Variants in ZNF732 observed in about 807,000 individuals in gnomAD.
The protein encoded by ZNF732 is zinc finger protein 732.
In ZNF732, 12 loss-of-function variants were observed where a neutral mutation model predicts 11.5. That is an observed-to-expected ratio of 1.05 (90% CI 0.67 to 1.70). The LOEUF (loss-of-function observed/expected upper bound fraction) is 1.70. ZNF732 is among the 40% of genes most tolerant of loss of function. The probability of loss-of-function intolerance (pLI) is 0.00; values close to 1 mark genes in which losing one functional copy is unlikely to be tolerated. For synonymous variants in ZNF732, 231 were observed against 236.5 expected (o/e 0.98, Z 0.21); for missense variants, 702 against 676.9 (o/e 1.04, Z -0.41).
chr4:305,103 G>C (rs1553844230), intron 1 of ZNF732, among the ~76,000 whole-genome samples: 1 of 152,202 alleles, frequency 6.6e-6, no homozygotes, highest in African/African-American at 2.4e-5. Flanking sequence ...CGGGCGCAGA[G>C]CTGCACAAGT....
In ZNF732 at chr4:271,864, C is replaced by G. The variant is rs368207740; in HGVS notation, c.993G>C (p.Glu331Asp). Residue 331 changes from glutamate to aspartate, a missense_variant, in exon 4 of 4, where the codon GAG becomes GAC. By Grantham distance (45) the Glu-to-Asp change is conservative. Coordinates refer to ENST00000419098, the MANE Select transcript of ZNF732 (RefSeq NM_001137608.3). The stretch of plus-strand genomic sequence containing the variant: ...CACATTCTTCACATGTGTAGGGTTT[C>G]TCTCCAGTATGAATTCTGTTATGTT... ...LTKHNRIHTG[E>D]KPYTCEECGK... 1.2e-6 allele frequency: 2 copies of G among 1,613,744 alleles called. No individual in the cohort carries two copies.
chr4:292,119 A>G (rs1381571010), intron 3 of ZNF732, among the ~76,000 whole-genome samples: 1 of 152,200 alleles, frequency 6.6e-6, no homozygotes, highest in Admixed American at 6.5e-5. Flanking sequence ...CGAAGAACAT[A>G]TATGGAAAAG....
rs782326434 is a variant in ZNF732 at position 272,271 on chromosome 4, T to A, written c.586A>T (p.Thr196Ser). The A allele has an allele frequency of 1.2e-6, 2 of 1,613,280 alleles. No homozygotes were observed. The highest frequency in any genetic ancestry group is 1.7e-6 in the Non-Finnish European group (2 of 1,179,576). Residue 196 changes from threonine to serine, a missense_variant, in exon 4 of 4, where the codon ACA (threonine) becomes TCA (serine). Physicochemically the swap from Thr to Ser is moderately conservative, Grantham distance 58. Transcript: ENST00000419098. ...AAGTCTTTGCCACATTCTTCACATG[T>A]GTAGGGTTTCTCTCCAGCATGAATT... ...QGIHAGEKPY[T>S]CEECGKDFKW...
intron 2 of ZNF732, 145 bp from the exon 3 acceptor site, chr4:295,678 T>C: frequency 2.6e-6 from 2 of 766,116 alleles, no homozygotes; most frequent in Non-Finnish European, 4.0e-6. Flanking sequence ...TTAAAATATT[T>C]AAGTATTTTA....
intron 3 of ZNF732, among the ~76,000 whole-genome samples, chr4:275,837 C>T (rs1301128725): frequency 2.0e-5 from 3 of 151,574 alleles, no homozygotes; most frequent in African/African-American, 7.3e-5. Context: ...AATCAACTTA[C>T]ACGAGATATC....
At chr4:301,183 A>C (rs1720110111) in intron 1 of ZNF732, among the ~76,000 whole-genome samples, 1 of 152,170 alleles carries the variant, frequency 6.6e-6, no homozygotes, top group Non-Finnish European at 1.5e-5. Flanking sequence ...ATCTCACACC[A>C]GTTAGAATGG....
Position 296,049 on chromosome 4 carries a change from T to C in ZNF732, c.110A>G (p.Tyr37Cys). ...NLYRDVMLEN[Y>C]RNLISLGVAI... is the part of the protein sequence containing the mutation. ...CTCACCCAGGGAGATCAGGTTCCTG[T>C]AGTTCTCCAACATCACATCTCTATA... The change falls in exon 2 of 4, where the codon TAC becomes TGC. Residue 37 changes from tyrosine to cysteine, a missense_variant. Around this residue, in one of 3 missense-constraint regions of ZNF732, gnomAD observed 596 missense variants for 557.9 expected, o/e 1.07. Transcript: ENST00000419098. 2.5e-6 allele frequency: 4 copies of C among 1,613,802 alleles called. No individual in the cohort carries two copies. The highest frequency in any genetic ancestry group is 2.2e-5 in the East Asian group (1 of 44,860).
intron 2 of ZNF732, among the ~76,000 whole-genome samples, chr4:295,793 C>T (rs890548322): frequency 1.3e-5 from 2 of 152,048 alleles, no homozygotes; most frequent in Non-Finnish European, 2.9e-5. Context: ...CATTGAATTT[C>T]GAGAATTACC....
intron 3 of ZNF732, among the ~76,000 whole-genome samples, chr4:275,876 CAG>C (rs1196731950): frequency 3.3e-5 from 5 of 151,540 alleles, no homozygotes; most frequent in East Asian, 3.9e-4. Context: ...AAATAAAAAA[CAG>C]AATTGTTTGT....
chr4:275,964 T>C (rs1719486613), intron 3 of ZNF732, among the ~76,000 whole-genome samples: 1 of 151,748 alleles, frequency 6.6e-6, no homozygotes, highest in Non-Finnish European at 1.5e-5. Flanking sequence ...TCTAAAAATA[T>C]AGTGCATAAA....
At chr4:304,910 T>G (rs1384650250) in intron 1 of ZNF732, among the ~76,000 whole-genome samples, 2 of 152,222 alleles carry the variant, frequency 1.3e-5, no homozygotes, top group African/African-American at 2.4e-5. Flanking sequence ...TCCCATTAAT[T>G]AGTCCCCATT....
chr4:277,906 T>C (rs1344484153), intron 3 of ZNF732, among the ~76,000 whole-genome samples: 1 of 151,262 alleles, frequency 6.6e-6, no homozygotes, highest in Non-Finnish European at 1.5e-5. Context: ...AAAATCAGTA[T>C]GTCAAAGAGA....
chr4:273,672 A>C (rs550141408), intron 3 of ZNF732, among the ~76,000 whole-genome samples: 136 of 152,086 alleles, frequency 8.9e-4, no homozygotes, highest in African/African-American at 3.2e-3. Context: ...AAACTTCAAC[A>C]AGGTTACACA....
rs570728426 is a variant in ZNF732 at position 304,574 on chromosome 4, C to G, written c.3+734G>C. On this transcript the variant is annotated intron_variant, in intron 1 of 3. Coordinates refer to ENST00000419098, the MANE Select transcript of ZNF732 (RefSeq NM_001137608.3). ...GCGCTCTTCCCGCAGCTGCCCCCCC[C>G]CTGCAGACGGCAGTCCCTGCCTCTG... 1.3e-4 allele frequency among the ~76,000 whole-genome samples: 19 copies of G among 150,380 alleles called. No individual in the cohort carries two copies. In the South Asian group the frequency reaches 1.7e-3, roughly 13 times the overall value.
intron 3 of ZNF732, among the ~76,000 whole-genome samples, chr4:291,465 A>T (rs537425069): frequency 1.3e-5 from 2 of 152,302 alleles, no homozygotes; most frequent in African/African-American, 4.8e-5. Flanking sequence ...TATAAAAATA[A>T]GAAATTAATT....
intron 1 of ZNF732, among the ~76,000 whole-genome samples, chr4:303,493 T>C (rs1365333096): frequency 6.6e-6 from 1 of 152,178 alleles, no homozygotes; most frequent in African/African-American, 2.4e-5. Context: ...GGCACAGGCC[T>C]GTAATCCAGC....
At chr4:299,132 A>G (rs1553842980) in intron 1 of ZNF732, among the ~76,000 whole-genome samples, 1 of 152,010 alleles carries the variant, frequency 6.6e-6, no homozygotes, top group Non-Finnish European at 1.5e-5. Context: ...AATGTGCCTC[A>G]GCATTCTTAG....
rs1719394464 is a variant in ZNF732 at position 272,152 on chromosome 4, G to A, written c.705C>T (p.Ser235=). 1.2e-6 allele frequency: 2 copies of A among 1,613,314 alleles called. No individual in the cohort carries two copies. The highest frequency in any genetic ancestry group is 4.5e-5 in the East Asian group (2 of 44,820). The part of the protein sequence containing the change: ...CEECGNIFTT[S]SNFAKHKVHT... The stretch of plus-strand genomic sequence containing the variant: ...GAACTTTATGTTTAGCAAAGTTTGA[G>A]GATGTGGTAAAGATGTTGCCACATT... The change falls in exon 4 of 4, where the codon TCC becomes TCT. Residue 235 remains serine, a synonymous_variant. Transcript: ENST00000419098.
At chr4:295,555 C>G (rs1553842143) in intron 2 of ZNF732, 22 bp from the exon 3 acceptor site, 1 of 1,580,254 alleles carries the variant, frequency 6.3e-7, no homozygotes, top group South Asian at 1.1e-5. Context: ...AAAAAATTAA[C>G]ATGCTACTGT....
Sources: gnomAD v4.1 joint callset for allele counts (sites outside exome capture counted in the v4.1 genomes callset) on GRCh38, gnomAD v4.1.1 for gene constraint, gnomAD v4.1.1 regional missense constraint, MANE v1.5 for transcripts, NCBI Gene and HGNC (gene_info 2026-07-23, HGNC 2026-07-21) for gene names.